DAAM2: variants seen among roughly 807,000 people sequenced by gnomAD.
DAAM2 encodes disheveled-associated activator of morphogenesis 2.
In DAAM2, 39 loss-of-function variants were observed where a neutral mutation model predicts 120.7. The observed-to-expected ratio is 0.32, with a 90% confidence interval of 0.25 to 0.42. The LOEUF is 0.42. Ranked by LOEUF, DAAM2 falls within the 10% of genes least tolerant of loss-of-function variation. DAAM2 has a pLI of 1.00. For synonymous variants in DAAM2, 488 were observed against 524.9 expected (o/e 0.93, Z 0.96); for missense variants, 1,283 against 1,401.7 (o/e 0.92, Z 1.35).
chr6:39,816,944 G>A (rs913573), intron 1 of DAAM2, among the ~76,000 whole-genome samples: 82,577 of 152,148 alleles, frequency 0.54, 22,602 homozygotes, highest in East Asian at 0.63. Context: ...CATTTCTTTT[G>A]CTGAGAAGTT....
intron 1 of DAAM2, among the ~76,000 whole-genome samples, chr6:39,818,057 T>C (rs1210276312): frequency 6.6e-6 from 1 of 151,900 alleles, no homozygotes; most frequent in Non-Finnish European, 1.5e-5. Flanking sequence ...CACACGCCTG[T>C]AGTCCTAGCT....
intron 1 of DAAM2, among the ~76,000 whole-genome samples, chr6:39,814,176 TTTTC>T (rs1232956576): frequency 2.4e-5 from 3 of 124,602 alleles, no homozygotes; most frequent in Admixed American, 8.8e-5. Context: ...TAAGTTTTCT[TTTTC>T]TTTCTTTCTT....
chr6:39,875,490 C>A (rs376635302), intron 11 of DAAM2, 22 bp downstream of exon 11: 1 of 1,605,586 alleles, frequency 6.2e-7, no homozygotes, highest in African/African-American at 1.3e-5. Context: ...CCAGCCTTTG[C>A]CCTGTCTTCC....
chr6:39,869,970 C>A (rs1201453278), intron 7 of DAAM2, among the ~76,000 whole-genome samples: 1 of 151,920 alleles, frequency 6.6e-6, no homozygotes. Flanking sequence ...ATGCTATGAT[C>A]ATTTCACAAA....
chr6:39,863,435 A>G (rs1169835304), intron 3 of DAAM2, among the ~76,000 whole-genome samples: 1 of 152,198 alleles, frequency 6.6e-6, no homozygotes, highest in Admixed American at 6.5e-5. Flanking sequence ...ATTTTGTGAA[A>G]CAAAATAGAA....
intron 1 of DAAM2, among the ~76,000 whole-genome samples, chr6:39,849,306 A>C (rs1375505098): frequency 2.0e-5 from 3 of 152,192 alleles, no homozygotes; most frequent in Non-Finnish European, 4.4e-5. Context: ...GGCCCCTGTA[A>C]TATCTGCCAA....
intron 1 of DAAM2, among the ~76,000 whole-genome samples, chr6:39,840,505 G>C (rs1296298858): frequency 6.6e-6 from 1 of 152,202 alleles, no homozygotes. Context: ...TCCGAAGGGG[G>C]AAGGAAAGGA....
intron 10 of DAAM2, among the ~76,000 whole-genome samples, chr6:39,874,222 A>G (rs2504792): frequency 0.62 from 94,708 of 152,074 alleles, 29,729 homozygotes; most frequent in African/African-American, 0.69. Flanking sequence ...ACATATAGAA[A>G]GAATTTTGGT....
chr6:39,878,633 G>A lies in DAAM2; in HGVS notation c.1545+45G>A. The A allele has an allele frequency of 6.4e-7, 1 of 1,551,170 alleles. No individual in the cohort carries two copies. Among genetic ancestry groups the A allele is most frequent in the Non-Finnish European group, 8.7e-7 (1 of 1,146,506 alleles). On this transcript the variant is annotated intron_variant, in intron 13 of 24. Coordinates refer to ENST00000274867, the MANE Select transcript of DAAM2 (RefSeq NM_001201427.2). The surrounding 1 kb of genome is among the most constrained non-coding windows in gnomAD (Gnocchi z 5.0). ...TTTACATAGTTGAGCCAAGACCCTG[G>A]GCTTCAGGACTGGGTGGGCAGAGCA...
At position 39,898,934 on chromosome 6, in the gene DAAM2, G is replaced by T; in HGVS notation, c.2676G>T (p.Glu892Asp). The change falls in exon 22 of 25, where the codon GAG becomes GAT. Residue 892 changes from glutamate (E) to aspartate (D), a missense_variant. Glu to Asp is a conservative substitution (Grantham distance 45, BLOSUM62 2). Around this residue, in one of 3 missense-constraint regions of DAAM2, gnomAD observed 748 missense variants for 768.6 expected, o/e 0.97. Coordinates refer to ENST00000274867, the MANE Select transcript of DAAM2 (RefSeq NM_001201427.2). ...TCAGGAGGGGCCTGAGAGCGGTGGAGGTGGTGAGTACCTTGTCAGTGCCTA... is the reference window on the plus strand; with the variant it reads ...TCAGGAGGGGCCTGAGAGCGGTGGATGTGGTGAGTACCTTGTCAGTGCCTA... ...GNLRRGLRAV[E>D]VELEYQRRQV... 1 of 1,610,814 alleles carries T rather than the reference G, an allele frequency of 6.2e-7. No homozygotes were observed. The highest frequency in any genetic ancestry group is 8.5e-7 in the Non-Finnish European group (1 of 1,178,580).
intron 1 of DAAM2, among the ~76,000 whole-genome samples, chr6:39,797,339 T>A (rs1298184290): frequency 6.6e-6 from 1 of 152,248 alleles, no homozygotes; most frequent in African/African-American, 2.4e-5. Context: ...TAAATTTATA[T>A]AACATTGTAT....
intron 1 of DAAM2, chr6:39,819,422 C>G (rs957023576): frequency 2.0e-5 from 3 of 152,230 alleles, no homozygotes; most frequent in African/African-American, 7.2e-5. Context: ...AATGCCTATT[C>G]ATTGTTGTGA....
intron 1 of DAAM2, among the ~76,000 whole-genome samples, chr6:39,829,758 C>T (rs987690892): frequency 2.6e-5 from 4 of 152,168 alleles, no homozygotes; most frequent in African/African-American, 9.7e-5. Flanking sequence ...TCCCTGCCCT[C>T]AGAGGGCTTA....
intron 1 of DAAM2, among the ~76,000 whole-genome samples, chr6:39,824,015 C>G (rs943651182): frequency 2.6e-5 from 4 of 152,154 alleles, no homozygotes; most frequent in African/African-American, 9.7e-5. Context: ...GTCGTCTTTT[C>G]TCCAGACTCC....
At chr6:39,825,348 C>T (rs1447521836) in intron 1 of DAAM2, among the ~76,000 whole-genome samples, 3 of 147,754 alleles carry the variant, frequency 2.0e-5, no homozygotes, top group Non-Finnish European at 3.0e-5. Context: ...GAGATTGCGC[C>T]ACTGCACTCC....
intron 1 of DAAM2, among the ~76,000 whole-genome samples, chr6:39,807,660 G>A (rs1419472360): frequency 6.6e-6 from 1 of 152,066 alleles, no homozygotes; most frequent in African/African-American, 2.4e-5. Flanking sequence ...GGGATTACAG[G>A]CGAGCACAAC....
chr6:39,893,343 C>T (rs539904878), intron 19 of DAAM2, among the ~76,000 whole-genome samples: 11 of 152,184 alleles, frequency 7.2e-5, no homozygotes, highest in African/African-American at 2.4e-4. Flanking sequence ...GGTGAAACCT[C>T]GTGTCTACTA....
At chr6:39,891,471 A>G (rs1309552430) in intron 18 of DAAM2, 24 bp downstream of exon 18, 3 of 1,584,964 alleles carry the variant, frequency 1.9e-6, no homozygotes, top group Non-Finnish European at 2.6e-6. Context: ...CATGGTGGGG[A>G]TTCAAGCAGG....
intron 19 of DAAM2, 45 bp downstream of exon 19, chr6:39,891,767 A>G: frequency 2.7e-6 from 4 of 1,502,602 alleles, no homozygotes; most frequent in Non-Finnish European, 3.6e-6. Flanking sequence ...GAGTTATCTG[A>G]GAAAGGCAGG....
Sources: allele counts gnomAD v4.1 joint callset (sites outside exome capture counted in the v4.1 genomes callset), GRCh38; gene constraint gnomAD v4.1.1; regional missense constraint gnomAD v4.1.1; non-coding constraint Gnocchi (gnomAD v3.1); transcripts MANE v1.5; gene names NCBI Gene and HGNC (gene_info 2026-07-23, HGNC 2026-07-21).